The following ZNF438 variants were observed in gnomAD, a reference collection of about 807,000 sequenced individuals.
ZNF438 encodes the protein zinc finger protein 438.
A neutral mutation model predicts 38.0 loss-of-function variants in ZNF438; 25 were observed. That is an observed-to-expected ratio of 0.66 (90% CI 0.48 to 0.92). The LOEUF is 0.92. Ranked by LOEUF, ZNF438 falls within the 40% of genes least tolerant of loss-of-function variation. The probability of loss-of-function intolerance (pLI) is 0.00; values close to 1 mark genes in which losing one functional copy is unlikely to be tolerated. For synonymous variants in ZNF438, 372 were observed against 364.1 expected (o/e 1.02, Z -0.25); for missense variants, 1,007 against 999.6 (o/e 1.01, Z -0.10).
At chr10:30,961,973 T>C (rs2136047810) in intron 1 of ZNF438, among the ~76,000 whole-genome samples, 1 of 146,992 alleles carries the variant, frequency 6.8e-6, no homozygotes, top group Admixed American at 6.9e-5. Flanking sequence ...GGCTAGTACT[T>C]ACAAAAGCTT....
chr10:30,943,859 AAAACAAACAAACAAAC>A (rs10522911), intron 1 of ZNF438, among the ~76,000 whole-genome samples: 2 of 150,602 alleles, frequency 1.3e-5, no homozygotes, highest in Non-Finnish European at 3.0e-5. Flanking sequence ...TTGAGATGGT[AAAACAAACAAACAAAC>A]AAACAAACAA....
chr10:31,012,843 G>C (rs934167488), intron 1 of ZNF438, among the ~76,000 whole-genome samples: 1 of 152,206 alleles, frequency 6.6e-6, no homozygotes, highest in Non-Finnish European at 1.5e-5. Context: ...AGGTAAGAAT[G>C]TGTGTGTGGT....
intron 3 of ZNF438, among the ~76,000 whole-genome samples, chr10:30,890,688 TTCAAG>T (rs1440592652): frequency 4.6e-5 from 7 of 152,348 alleles, no homozygotes; most frequent in Admixed American, 6.5e-5. Flanking sequence ...TCTAAAAAAA[TTCAAG>T]TCAAGTAAAC....
intron 1 of ZNF438, among the ~76,000 whole-genome samples, chr10:31,015,062 T>C (rs2056077183): frequency 6.6e-6 from 1 of 152,164 alleles, no homozygotes; most frequent in Non-Finnish European, 1.5e-5. Flanking sequence ...AAGGTCTTGC[T>C]ATGTTACCCA....
At chr10:30,871,561 G>A (rs983824949) in intron 4 of ZNF438, among the ~76,000 whole-genome samples, 5 of 152,134 alleles carry the variant, frequency 3.3e-5, no homozygotes, top group African/African-American at 1.2e-4. Context: ...AGAATGATAT[G>A]AGTATTAACT....
rs1000227535 is a variant in ZNF438 at position 30,845,157 on chromosome 10, C to T, written c.2291G>A (p.Gly764Asp). 39 of 1,614,050 alleles carry T rather than the reference C, an allele frequency of 2.4e-5. No individual in the cohort carries two copies. The highest frequency in any genetic ancestry group is 2.8e-5 in the Non-Finnish European group (33 of 1,180,026). The change falls in exon 6 of 6, where the codon GGC (glycine) becomes GAC (aspartate). Residue 764 changes from glycine (G) to aspartate (D), a missense_variant. Gly to Asp is a moderately conservative substitution (Grantham distance 94, BLOSUM62 -1). Transcript: ENST00000413025. ...GGACCACAAGAGAAACGTGTGGAGG[C>T]CAGGACACTCAGGGCCCTGGCAGGT...
chr10:31,030,737 G>A (rs751669165), intron 1 of ZNF438, among the ~76,000 whole-genome samples: 4 of 152,182 alleles, frequency 2.6e-5, no homozygotes, highest in Non-Finnish European at 5.9e-5. Context: ...AATACACCCT[G>A]AAGTGTGCAC....
chr10:30,890,802 C>T (rs1011804173), intron 3 of ZNF438, among the ~76,000 whole-genome samples: 1 of 152,222 alleles, frequency 6.6e-6, no homozygotes, highest in Non-Finnish European at 1.5e-5. Context: ...GCATTTAGAC[C>T]TCCATTATCG....
intron 3 of ZNF438, among the ~76,000 whole-genome samples, chr10:30,878,307 G>A (rs1186126807): frequency 6.6e-6 from 1 of 152,134 alleles, no homozygotes; most frequent in Non-Finnish European, 1.5e-5. Flanking sequence ...GTCAGTAGAG[G>A]AGAGAAGCAG....
intron 4 of ZNF438, among the ~76,000 whole-genome samples, chr10:30,872,318 C>T (rs1047988265): frequency 3.8e-4 from 57 of 150,814 alleles, no homozygotes; most frequent in African/African-American, 1.0e-3. Context: ...CCCAGCTATT[C>T]GGGAGGCTGA....
chr10:30,847,083 T>G (rs1197040669), intron 5 of ZNF438, among the ~76,000 whole-genome samples: 1 of 152,142 alleles, frequency 6.6e-6, no homozygotes, highest in East Asian at 1.9e-4. Context: ...ATGAACAGCC[T>G]GGGTGCCATA....
intron 2 of ZNF438, among the ~76,000 whole-genome samples, chr10:30,935,853 A>G (rs1475574336): frequency 6.6e-6 from 1 of 152,150 alleles, no homozygotes; most frequent in Non-Finnish European, 1.5e-5. Flanking sequence ...ACTCACTATC[A>G]TGAGAACAGC....
chr10:30,978,594 C>T lies in ZNF438; in HGVS notation c.-191-36943G>A, dbSNP rs765625327. 3.2e-4 allele frequency among the ~76,000 whole-genome samples: 48 copies of T among 152,088 alleles called. 1 individual carries two copies. The highest frequency in any genetic ancestry group is 6.0e-4 in the Non-Finnish European group (41 of 68,012). On this transcript the variant is annotated intron_variant, in intron 1 of 5. Transcript: ENST00000413025. The stretch of plus-strand genomic sequence containing the variant: ...ACACAACCATTATCCCAAAAAGTTC[C>T]CTTGTACTGCCTCCAGATCAGTCAC...
Position 30,990,862 on chromosome 10 carries a change from CT to C in ZNF438, c.-192+40970del, listed in dbSNP as rs573471697. Among the ~76,000 whole-genome samples, 1,097 of 145,928 alleles carry C rather than the reference CT, an allele frequency of 7.5e-3. 16 individuals carry two copies. The highest frequency in any genetic ancestry group is 0.024 in the African/African-American group (976 of 40,010). ...AGATTAAGAGAGATTGAAGATATAT[CT>C]TTTTTTTTTTAATGAGCAAAACCAA... On this transcript the variant is annotated intron_variant, in intron 1 of 5. Transcript: ENST00000413025.
chr10:30,934,205 T>C (rs1246583078), intron 2 of ZNF438, among the ~76,000 whole-genome samples: 1 of 151,630 alleles, frequency 6.6e-6, no homozygotes, highest in Non-Finnish European at 1.5e-5. Context: ...GGAACCCTCT[T>C]TGGGATGTAC....
chr10:30,974,013 T>C (rs1335820360), intron 1 of ZNF438, among the ~76,000 whole-genome samples: 1 of 152,188 alleles, frequency 6.6e-6, no homozygotes, highest in Non-Finnish European at 1.5e-5. Context: ...AGGAGTTCAA[T>C]GAAAGATGTT....
chr10:30,908,739 T>C (rs1477852477), intron 3 of ZNF438, among the ~76,000 whole-genome samples, 194 bp downstream of exon 4: 3 of 152,224 alleles, frequency 2.0e-5, no homozygotes, highest in Non-Finnish European at 2.9e-5. Flanking sequence ...ATTTAGTCTG[T>C]ACAAGCGCTT....
intron 4 of ZNF438, among the ~76,000 whole-genome samples, chr10:30,855,123 C>T (rs2034390379): frequency 6.6e-6 from 1 of 152,118 alleles, no homozygotes; most frequent in Admixed American, 6.5e-5. Context: ...CAAATGTCTC[C>T]ACATTATAGT....
At chr10:30,893,499 A>T (rs78642137) in intron 3 of ZNF438, among the ~76,000 whole-genome samples, 2,563 of 152,362 alleles carry the variant, frequency 0.017, 62 homozygotes, top group African/African-American at 0.059. Flanking sequence ...TAATTGAAAA[A>T]GTCAAACCAC....
Sources: gnomAD v4.1 joint callset for allele counts (sites outside exome capture counted in the v4.1 genomes callset) on GRCh38, gnomAD v4.1.1 for gene constraint, MANE v1.5 for transcripts, NCBI Gene and HGNC (gene_info 2026-07-23, HGNC 2026-07-21) for gene names.